Variants in RNF216 observed in about 807,000 individuals in gnomAD.
RNF216 encodes the protein E3 ubiquitin-protein ligase RNF216.
Under a neutral mutation model 110.8 loss-of-function variants are expected in RNF216, and 72 were observed. That is an observed-to-expected ratio of 0.65 (90% CI 0.54 to 0.79). The LOEUF (loss-of-function observed/expected upper bound fraction) is 0.79. Among genes scored for constraint, RNF216 ranks in the 30% least tolerant of loss-of-function variants. The pLI, the probability that RNF216 is intolerant of heterozygous loss-of-function variation, is 0.00. For missense variants in RNF216, 1,342 were observed against 1,141.2 expected, an observed-to-expected ratio of 1.18 and a Z score of -2.54; for synonymous variants, 495 against 407.5, an observed-to-expected ratio of 1.21 and a Z score of -2.59.
chr7:5,675,051 G>A (rs547005628), intron 13 of RNF216, among the ~76,000 whole-genome samples: 2 of 152,058 alleles, frequency 1.3e-5, no homozygotes, highest in South Asian at 2.1e-4. Context: ...GGTACAGAAT[G>A]GCAACTGCTG....
At chr7:5,644,293 C>T (rs1405041692) in intron 14 of RNF216, among the ~76,000 whole-genome samples, 1 of 152,140 alleles carries the variant, frequency 6.6e-6, no homozygotes, top group Non-Finnish European at 1.5e-5. Context: ...TTTCTATTCC[C>T]ACCTCAATGT....
rs149498380 is a variant in RNF216 at position 5,757,306 on chromosome 7, T to A, written c.67+3697A>T. Among the ~76,000 whole-genome samples, 5 of 152,348 alleles carry A rather than the reference T, an allele frequency of 3.3e-5. No individual in the cohort carries two copies. The East Asian group carries it at 9.6e-4, about 29-fold the overall frequency. ...GTTACTAAGTATACAGGGATTAGCT[T>A]ATCTTCTCAGTGCACTGAATCTTTT... On this transcript the variant is annotated intron_variant, in intron 2 of 16. Coordinates refer to ENST00000389902, the MANE Select transcript of RNF216 (RefSeq NM_207111.4).
chr7:5,731,979 T>C (rs1337116500), intron 5 of RNF216, among the ~76,000 whole-genome samples: 6 of 152,190 alleles, frequency 3.9e-5, no homozygotes, highest in Non-Finnish European at 8.8e-5. Context: ...GACATCTCAA[T>C]GCATTTCCCT....
At chr7:5,689,993 T>G (rs1791232355) in intron 13 of RNF216, among the ~76,000 whole-genome samples, 1 of 151,756 alleles carries the variant, frequency 6.6e-6, no homozygotes, top group African/African-American at 2.4e-5. Flanking sequence ...CCCCCCTTAT[T>G]TGCCGAGTTC....
chr7:5,673,054 G>T (rs541612676), intron 13 of RNF216, among the ~76,000 whole-genome samples: 1 of 152,094 alleles, frequency 6.6e-6, no homozygotes, highest in Non-Finnish European at 1.5e-5. Flanking sequence ...TCTCTCCATC[G>T]ACTCAGGGTG....
chr7:5,725,557 A>G, intron 7 of RNF216, 119 bp from the exon 8 acceptor site: 1 of 662,924 alleles, frequency 1.5e-6, no homozygotes, highest in East Asian at 2.6e-5. Flanking sequence ...ATGGCTAACA[A>G]TTGGTAGTGG....
At chr7:5,750,498 C>T (rs1192079591) in intron 3 of RNF216, among the ~76,000 whole-genome samples, 3 of 152,326 alleles carry the variant, frequency 2.0e-5, no homozygotes, top group Non-Finnish European at 4.4e-5. Context: ...CTCCAGTATG[C>T]CTGTTATTTA....
At chr7:5,772,799 CAG>C (rs1361327116) in intron 1 of RNF216, among the ~76,000 whole-genome samples, 1 of 126,368 alleles carries the variant, frequency 7.9e-6, no homozygotes, top group Admixed American at 9.0e-5. Flanking sequence ...TTTTTTGAGA[CAG>C]AGTTTCGCTC....
intron 2 of RNF216, among the ~76,000 whole-genome samples, chr7:5,759,231 T>C (rs1393794646): frequency 6.6e-6 from 1 of 152,212 alleles, no homozygotes; most frequent in Non-Finnish European, 1.5e-5. Flanking sequence ...GAGGCCGCTA[T>C]GTTTCCTATA....
At position 5,677,747 on chromosome 7, in the gene RNF216, C is replaced by A. The variant is rs75120026; in HGVS notation, c.2062-25237G>T. Among the ~76,000 whole-genome samples, 2 of 152,112 alleles carry A rather than the reference C, an allele frequency of 1.3e-5. 1 individual carries two copies. The highest frequency in any genetic ancestry group is 4.1e-4 in the South Asian group (2 of 4,826). On this transcript the variant is annotated intron_variant, in intron 13 of 16. Coordinates refer to ENST00000389902, the MANE Select transcript of RNF216 (RefSeq NM_207111.4). ...TGTGCAGAGTCCTGGGAGTGTTGCT[C>A]AGGAAATCCTAGGAATCAGAGTCTG...
At chr7:5,746,973 G>A (rs1795060682) in intron 3 of RNF216, among the ~76,000 whole-genome samples, 1 of 152,128 alleles carries the variant, frequency 6.6e-6, no homozygotes, top group Admixed American at 6.6e-5. Context: ...AAGATTAACT[G>A]CAAAAAGCTA....
intron 13 of RNF216, among the ~76,000 whole-genome samples, chr7:5,702,780 C>G (rs1034804378): frequency 2.0e-5 from 3 of 152,162 alleles, no homozygotes; most frequent in African/African-American, 7.2e-5. Context: ...TACTCAGACA[C>G]AAGTAGAGTT....
intron 1 of RNF216, among the ~76,000 whole-genome samples, chr7:5,772,174 G>A (rs927826876): frequency 4.0e-5 from 6 of 151,100 alleles, no homozygotes; most frequent in South Asian, 2.1e-4. Flanking sequence ...TGGAGGTTGC[G>A]GTGAGCCGAG....
At chr7:5,769,238 C>T (rs186390266) in intron 1 of RNF216, among the ~76,000 whole-genome samples, 231 of 151,694 alleles carry the variant, frequency 1.5e-3, no homozygotes, top group Middle Eastern at 0.01. Context: ...CTGCCTCAGC[C>T]TCCCGAGTAG....
intron 1 of RNF216, among the ~76,000 whole-genome samples, chr7:5,774,484 A>G (rs1692891238): frequency 6.6e-6 from 1 of 152,238 alleles, no homozygotes; most frequent in African/African-American, 2.4e-5. Flanking sequence ...TTTAAAAACT[A>G]AATCAGTTGA....
intron 9 of RNF216, among the ~76,000 whole-genome samples, chr7:5,718,050 A>G (rs557867332): frequency 6.6e-6 from 1 of 152,332 alleles, no homozygotes; most frequent in East Asian, 1.9e-4. Flanking sequence ...AAAATAAGGA[A>G]AGGTAAACCA....
At chr7:5,705,696 G>C (rs1792233396) in intron 13 of RNF216, among the ~76,000 whole-genome samples, 1 of 152,096 alleles carries the variant, frequency 6.6e-6, no homozygotes, top group African/African-American at 2.4e-5. Flanking sequence ...ATCACCTGAG[G>C]TCAGGAGTTC....
At chr7:5,762,041 G>T (rs1273793502) in intron 1 of RNF216, among the ~76,000 whole-genome samples, 1 of 152,040 alleles carries the variant, frequency 6.6e-6, no homozygotes, top group Admixed American at 6.6e-5. Flanking sequence ...TATACGGACA[G>T]GGATGGTCAT....
chr7:5,684,371 T>C (rs961505621), intron 13 of RNF216, among the ~76,000 whole-genome samples: 1 of 152,138 alleles, frequency 6.6e-6, no homozygotes, highest in Non-Finnish European at 1.5e-5. Context: ...CCTCCCAAAG[T>C]CCTGGGATTA....
Sources: allele counts gnomAD v4.1 joint callset (sites outside exome capture counted in the v4.1 genomes callset), GRCh38; gene constraint gnomAD v4.1.1; transcripts MANE v1.5; gene names NCBI Gene and HGNC (gene_info 2026-07-23, HGNC 2026-07-21).